GRIP1: variants seen among roughly 807,000 people sequenced by gnomAD.
GRIP1 encodes glutamate receptor-interacting protein 1.
In GRIP1, 45 loss-of-function variants were observed where a neutral mutation model predicts 129.9. The observed-to-expected ratio is 0.35, with a 90% CI of 0.27 to 0.44. GRIP1 has a LOEUF of 0.44. Among genes scored for constraint, GRIP1 ranks in the 20% least tolerant of loss-of-function variants. The probability of loss-of-function intolerance (pLI) is 1.00; values close to 1 mark genes in which losing one functional copy is unlikely to be tolerated. For missense variants in GRIP1, 1,196 were observed against 1,396.8 expected (o/e 0.86, Z 2.29); for synonymous variants, 530 against 520.8 (o/e 1.02, Z -0.24).
chr12:67,000,437 C>T (rs763924637), intron 1 of GRIP1, among the ~76,000 whole-genome samples: 13 of 152,174 alleles, frequency 8.5e-5, no homozygotes, highest in Non-Finnish European at 1.9e-4. Flanking sequence ...TGTGTATCTG[C>T]TAATGTGTCT....
intron 1 of GRIP1, among the ~76,000 whole-genome samples, chr12:66,765,451 C>G (rs1175206160): frequency 6.6e-6 from 1 of 152,170 alleles, no homozygotes; most frequent in Non-Finnish European, 1.5e-5. Flanking sequence ...TTGCTCTATG[C>G]AAGTGAAACA....
At chr12:66,680,169 T>C (rs2034529219), upstream of GRIP1, among the ~76,000 whole-genome samples, 1 of 152,228 alleles carries the variant, frequency 6.6e-6, no homozygotes, top group South Asian at 2.1e-4. Context: ...TTAATATTTC[T>C]AGGACTTTAT....
intron 2 of GRIP1, among the ~76,000 whole-genome samples, chr12:66,580,401 A>G (rs1009276836): frequency 6.6e-6 from 1 of 151,514 alleles, no homozygotes; most frequent in Non-Finnish European, 1.5e-5. Flanking sequence ...AAATTCACAC[A>G]TAACAATATT....
At chr12:67,016,805 T>C (rs2042795202) in intron 1 of GRIP1, among the ~76,000 whole-genome samples, 1 of 152,214 alleles carries the variant, frequency 6.6e-6, no homozygotes, top group Non-Finnish European at 1.5e-5. Flanking sequence ...TCATTTCCTT[T>C]GCCCTTTACA....
intron 1 of GRIP1, among the ~76,000 whole-genome samples, chr12:66,932,726 T>G (rs900133244): frequency 7.9e-5 from 12 of 152,214 alleles, no homozygotes; most frequent in Non-Finnish European, 1.8e-4. Flanking sequence ...TGGAGTGCAG[T>G]GGCATGATCT....
chr12:66,748,995 T>A (rs1242420676), intron 1 of GRIP1, among the ~76,000 whole-genome samples: 1 of 152,196 alleles, frequency 6.6e-6, no homozygotes, highest in Non-Finnish European at 1.5e-5. Context: ...GCAGGGATAA[T>A]GCACAGCAGA....
chr12:66,871,668 G>T (rs2040298528), intron 1 of GRIP1, among the ~76,000 whole-genome samples: 2 of 152,066 alleles, frequency 1.3e-5, no homozygotes, highest in Admixed American at 1.3e-4. Context: ...ATGGGCAGTG[G>T]ATGCCTACTC....
chr12:66,529,992 A>G (rs1254268107), intron 4 of GRIP1, 78 bp from the exon 5 acceptor site: 6 of 882,644 alleles, frequency 6.8e-6, no homozygotes, highest in Non-Finnish European at 1.2e-5. Context: ...GTGGCATAAA[A>G]TATTACAGAT....
chr12:66,801,958 A>G lies in GRIP1; in HGVS notation c.-420+2095T>C, dbSNP rs190010965. On this transcript the variant is annotated intron_variant, in intron 1 of 4. Coordinates refer to the GRIP1 transcript ENST00000538373. ...ACTAATTAAAACAGATATGTTGTAG[A>G]TGTAATTGAATGCAACCATATTACC... is the stretch of plus-strand genomic sequence containing the variant. Among the ~76,000 whole-genome samples, 166 of 152,254 alleles carry G rather than the reference A, an allele frequency of 1.1e-3. 4 individuals carry two copies. The highest frequency in any genetic ancestry group is 9.1e-3 in the Admixed American group (139 of 15,296).
chr12:66,564,628 T>A (rs1007210867), intron 2 of GRIP1, among the ~76,000 whole-genome samples: 2 of 152,178 alleles, frequency 1.3e-5, no homozygotes, highest in East Asian at 1.9e-4. Flanking sequence ...TTATAATCCT[T>A]TGGGTATATA....
At chr12:66,827,387 T>TGAGAGAGAGAGAGA (rs112366252) in intron 1 of GRIP1, among the ~76,000 whole-genome samples, 3 of 108,212 alleles carry the variant, frequency 2.8e-5, no homozygotes, top group Admixed American at 9.3e-5. Context: ...TGTGTGTGTG[T>TGAGAGAGAGAGAGA]GAGAGAGAGA....
intron 1 of GRIP1, among the ~76,000 whole-genome samples, chr12:66,964,114 T>C (rs1382669425): frequency 6.6e-6 from 1 of 152,160 alleles, no homozygotes; most frequent in South Asian, 2.1e-4. Flanking sequence ...CTAACAGTCC[T>C]GCTTGAGGCC....
chr12:66,525,663 G>T (rs61928460), intron 5 of GRIP1, among the ~76,000 whole-genome samples: 20,642 of 150,698 alleles, frequency 0.14, 1,751 homozygotes, highest in Non-Finnish European at 0.19. Context: ...TAAACGTAGT[G>T]TTGGAAGTTC....
At chr12:66,695,418 G>A (rs756105896) in intron 1 of GRIP1, among the ~76,000 whole-genome samples, 27 of 152,242 alleles carry the variant, frequency 1.8e-4, no homozygotes, top group Middle Eastern at 3.4e-3. Flanking sequence ...TACACAGCAC[G>A]AGCTATGGGC....
At chr12:66,573,024 G>A (rs1347287132) in intron 2 of GRIP1, among the ~76,000 whole-genome samples, 1 of 151,970 alleles carries the variant, frequency 6.6e-6, no homozygotes, top group Non-Finnish European at 1.5e-5. Context: ...CCAGATGCAT[G>A]TTGTTATATA....
At chr12:66,860,852 C>T (rs964312837) in intron 1 of GRIP1, among the ~76,000 whole-genome samples, 3 of 151,984 alleles carry the variant, frequency 2.0e-5, no homozygotes, top group Non-Finnish European at 2.9e-5. Context: ...TTTGAGTGAA[C>T]GACATGCTAG....
chr12:66,827,387 T>TGTGTGTGTGTGTGA (rs755458052), intron 1 of GRIP1, among the ~76,000 whole-genome samples: 1 of 108,226 alleles, frequency 9.2e-6, no homozygotes, highest in Non-Finnish European at 1.9e-5. Context: ...TGTGTGTGTG[T>TGTGTGTGTGTGTGA]GAGAGAGAGA....
At chr12:66,521,963 G>A (rs1435805595) in intron 5 of GRIP1, among the ~76,000 whole-genome samples, 2 of 152,224 alleles carry the variant, frequency 1.3e-5, no homozygotes, top group East Asian at 3.9e-4. Context: ...GAGGGTGCCT[G>A]CCATTGCCCA....
intron 1 of GRIP1, among the ~76,000 whole-genome samples, chr12:66,657,104 T>A (rs761356012): frequency 5.9e-5 from 9 of 152,210 alleles, no homozygotes; most frequent in Non-Finnish European, 1.2e-4. Flanking sequence ...ACTCTAGGAT[T>A]GCCAGTTATA....
Sources: allele counts gnomAD v4.1 joint callset (sites outside exome capture counted in the v4.1 genomes callset), GRCh38; gene constraint gnomAD v4.1.1; transcripts MANE v1.5; gene names NCBI Gene and HGNC (gene_info 2026-07-23, HGNC 2026-07-21).